SLC8A1: variants seen among roughly 807,000 people sequenced by gnomAD.
SLC8A1 encodes the protein solute carrier family 8 member A1.
SLC8A1 carries 18 observed loss-of-function variants against 68.3 expected under a neutral mutation model. The ratio of observed to expected loss-of-function variants is 0.26; its 90% confidence interval spans 0.18 to 0.39. The LOEUF (loss-of-function observed/expected upper bound fraction) is 0.39, where lower values mean the gene tolerates loss of function less well. Among genes scored for constraint, SLC8A1 ranks in the 10% least tolerant of loss-of-function variants. The pLI, the probability that SLC8A1 is intolerant of heterozygous loss-of-function variation, is 1.00. For missense variants in SLC8A1, 985 were observed against 1,156.7 expected (o/e 0.85, Z 2.15); for synonymous variants, 475 against 415.5 (o/e 1.14, Z -1.74).
intron 2 of SLC8A1, chr2:40,196,036 TG>T (rs1210501150): frequency 6.6e-6 from 1 of 150,890 alleles, no homozygotes; most frequent in Non-Finnish European, 1.5e-5. Flanking sequence ...TAGGGTAGGA[TG>T]TCTTTCAACT....
At chr2:40,394,717 T>G (rs1229081875) in intron 2 of SLC8A1, among the ~76,000 whole-genome samples, 1 of 152,094 alleles carries the variant, frequency 6.6e-6, no homozygotes, top group Non-Finnish European at 1.5e-5. Flanking sequence ...TAGTAATCAC[T>G]GATTTAGCAC....
At chr2:40,442,728 A>G (rs542109258) in intron 1 of SLC8A1, among the ~76,000 whole-genome samples, 6 of 152,342 alleles carry the variant, frequency 3.9e-5, no homozygotes, top group African/African-American at 1.2e-4. Flanking sequence ...CAGAAATACC[A>G]TTTGACCTAG....
chr2:40,215,234 T>C (rs2057276595), intron 2 of SLC8A1, among the ~76,000 whole-genome samples: 1 of 152,136 alleles, frequency 6.6e-6, no homozygotes, highest in Non-Finnish European at 1.5e-5. Context: ...GGTGTGTTCA[T>C]GGCTCACTGC....
At chr2:40,131,958 G>A (rs867797562) in intron 7 of SLC8A1, among the ~76,000 whole-genome samples, 1 of 138,666 alleles carries the variant, frequency 7.2e-6, no homozygotes, top group African/African-American at 2.7e-5. Context: ...AATGCTAATA[G>A]TTTACAGGTA....
At chr2:40,475,122 ATTATTTAT>A (rs146647618) in intron 1 of SLC8A1, among the ~76,000 whole-genome samples, 4,278 of 151,978 alleles carry the variant, frequency 0.028, 205 homozygotes, top group African/African-American at 0.095. Context: ...TGCTATAAAA[ATTATTTAT>A]TTATTTATTT....
intron 2 of SLC8A1, among the ~76,000 whole-genome samples, chr2:40,312,234 T>C (rs2073813059): frequency 6.6e-6 from 1 of 152,154 alleles, no homozygotes; most frequent in Non-Finnish European, 1.5e-5. Context: ...AAAGCCCTAC[T>C]AGTAATGGAC....
At chr2:40,303,702 C>G (rs1236500657) in intron 2 of SLC8A1, among the ~76,000 whole-genome samples, 1 of 152,162 alleles carries the variant, frequency 6.6e-6, no homozygotes, top group Non-Finnish European at 1.5e-5. Flanking sequence ...TAAAAATGGA[C>G]TCGGAGGAAT....
chr2:40,346,676 A>G (rs1669421113), intron 2 of SLC8A1, among the ~76,000 whole-genome samples: 1 of 152,170 alleles, frequency 6.6e-6, no homozygotes, highest in Middle Eastern at 3.2e-3. Context: ...CAGAGAGGGG[A>G]AAAAGTCTGA....
chr2:40,373,560 G>GT (rs1185452502), intron 2 of SLC8A1, among the ~76,000 whole-genome samples: 1 of 152,020 alleles, frequency 6.6e-6, no homozygotes, highest in Admixed American at 6.6e-5. Flanking sequence ...CATTTTTCAA[G>GT]TTTTTTTACT....
chr2:40,280,407 A>G (rs1042326451), intron 2 of SLC8A1, among the ~76,000 whole-genome samples: 1 of 152,232 alleles, frequency 6.6e-6, no homozygotes, highest in African/African-American at 2.4e-5. Flanking sequence ...TCACATGAGT[A>G]CATGGAAATA....
At chr2:40,206,309 C>G (rs983806153) in intron 2 of SLC8A1, among the ~76,000 whole-genome samples, 1 of 151,978 alleles carries the variant, frequency 6.6e-6, no homozygotes, top group Non-Finnish European at 1.5e-5. Flanking sequence ...AAAGATGTCA[C>G]TTCATCATCT....
At chr2:40,240,650 GTAC>G (rs1410348160) in intron 2 of SLC8A1, among the ~76,000 whole-genome samples, 1 of 152,180 alleles carries the variant, frequency 6.6e-6, no homozygotes, top group African/African-American at 2.4e-5. Flanking sequence ...ATATAAATCT[GTAC>G]TACTAGAATA....
chr2:40,138,061 G>T (rs1272070889), intron 7 of SLC8A1, among the ~76,000 whole-genome samples: 1 of 152,044 alleles, frequency 6.6e-6, no homozygotes, highest in African/African-American at 2.4e-5. Context: ...CTATGTCCCA[G>T]GTGCTTTACT....
At chr2:40,369,609 C>A (rs1481997667) in intron 2 of SLC8A1, among the ~76,000 whole-genome samples, 4 of 152,106 alleles carry the variant, frequency 2.6e-5, no homozygotes, top group Non-Finnish European at 1.5e-5. Flanking sequence ...GATTAGCCAG[C>A]TCTAATGTCC....
At chr2:40,422,313 G>A (rs1165621029) in intron 2 of SLC8A1, among the ~76,000 whole-genome samples, 1 of 152,140 alleles carries the variant, frequency 6.6e-6, no homozygotes, top group Non-Finnish European at 1.5e-5. Flanking sequence ...GAGGAAATAT[G>A]ATGAAGATAT....
chr2:40,235,473 A>G (rs1279506691), intron 2 of SLC8A1, among the ~76,000 whole-genome samples: 1 of 151,946 alleles, frequency 6.6e-6, no homozygotes, highest in Non-Finnish European at 1.5e-5. Context: ...TATTGCGTCT[A>G]TTTGAGTCTT....
At chr2:40,274,040 C>T (rs1333533291) in intron 2 of SLC8A1, among the ~76,000 whole-genome samples, 2 of 151,402 alleles carry the variant, frequency 1.3e-5, no homozygotes, top group Non-Finnish European at 2.9e-5. Flanking sequence ...TGTCTGTCGC[C>T]TTATAAAAAA....
intron 2 of SLC8A1, among the ~76,000 whole-genome samples, chr2:40,226,119 T>C (rs1300563960): frequency 6.6e-6 from 1 of 152,146 alleles, no homozygotes; most frequent in East Asian, 1.9e-4. Flanking sequence ...TTTTATTGCT[T>C]TTCCCCTAAA....
intron 2 of SLC8A1, among the ~76,000 whole-genome samples, chr2:40,238,431 C>G (rs551476525): frequency 3.3e-4 from 18 of 54,634 alleles, no homozygotes; most frequent in Non-Finnish European, 6.1e-4. Context: ...CCTTGCACTT[C>G]CCAAGTGAGG....
Sources: allele counts gnomAD v4.1 joint callset (sites outside exome capture counted in the v4.1 genomes callset), GRCh38; gene constraint gnomAD v4.1.1; transcripts MANE v1.5; gene names NCBI Gene and HGNC (gene_info 2026-07-23, HGNC 2026-07-21).